TP63: variants seen among roughly 807,000 people sequenced by gnomAD.
The protein encoded by TP63 is tumor protein 63.
TP63 carries 17 observed loss-of-function variants against 82.8 expected under a neutral mutation model. The ratio of observed to expected loss-of-function variants is 0.21; its 90% CI spans 0.14 to 0.31. The LOEUF (loss-of-function observed/expected upper bound fraction) is 0.31, where lower values mean the gene tolerates loss of function less well. TP63 is among the 10% of genes least tolerant of loss of function. TP63 has a pLI of 1.00. For missense variants in TP63, 648 were observed against 895.3 expected, an observed-to-expected ratio of 0.72 and a Z score of 3.52; for synonymous variants, 330 against 321.7, an observed-to-expected ratio of 1.03 and a Z score of -0.28.
At chr3:189,763,999 T>C (rs1175721225) in intron 3 of TP63, among the ~76,000 whole-genome samples, 1 of 152,188 alleles carries the variant, frequency 6.6e-6, no homozygotes, top group East Asian at 1.9e-4. Context: ...TATAACCTGG[T>C]GCTCTTGCTG....
intron 3 of TP63, among the ~76,000 whole-genome samples, chr3:189,760,639 A>G (rs1381706115): frequency 6.6e-6 from 1 of 152,168 alleles, no homozygotes; most frequent in Non-Finnish European, 1.5e-5. Flanking sequence ...ACACAGTGCA[A>G]GCAGTCAGTG....
At chr3:189,757,618 A>T (rs1006308088) in intron 3 of TP63, among the ~76,000 whole-genome samples, 2 of 148,848 alleles carry the variant, frequency 1.3e-5, no homozygotes, top group African/African-American at 2.5e-5. Context: ...ACAAGAAAAA[A>T]ATCTACACAG....
intron 1 of TP63, among the ~76,000 whole-genome samples, chr3:189,669,004 C>G (rs1714650722): frequency 7.5e-6 from 1 of 132,690 alleles, no homozygotes; most frequent in African/African-American, 2.6e-5. Flanking sequence ...TTCTTTAAAG[C>G]TAAAGATGAA....
chr3:189,711,331 A>T (rs1257520180), intron 1 of TP63, among the ~76,000 whole-genome samples: 1 of 152,186 alleles, frequency 6.6e-6, no homozygotes, highest in Non-Finnish European at 1.5e-5. Flanking sequence ...GTTTCTGTGT[A>T]CAAGGTCCTG....
At chr3:189,614,063 A>G in the TP63 span, among the ~76,000 whole-genome samples, 1 of 152,044 alleles carries the variant, frequency 6.6e-6, no homozygotes, top group Non-Finnish European at 1.5e-5. Flanking sequence ...GACTCTTGGG[A>G]AGGCATGATT....
At chr3:189,800,836 G>C (rs757659607) in intron 3 of TP63, among the ~76,000 whole-genome samples, 13 of 152,274 alleles carry the variant, frequency 8.5e-5, no homozygotes, top group Non-Finnish European at 1.8e-4. Flanking sequence ...AATAGTAGAA[G>C]TAATTGCTCA....
chr3:189,738,507 C>A, intron 2 of TP63, 135 bp from the exon 3 acceptor site: 2 of 1,314,764 alleles, frequency 1.5e-6, no homozygotes, highest in Non-Finnish European at 2.1e-6. Context: ...AGGACTCAAA[C>A]CTAGAGTTTC....
At chr3:189,607,815 T>G in the TP63 span, among the ~76,000 whole-genome samples, 1 of 152,262 alleles carries the variant, frequency 6.6e-6, no homozygotes, top group African/African-American at 2.4e-5. Flanking sequence ...CACTTTAATG[T>G]ATTTATATAG....
intron 4 of TP63, among the ~76,000 whole-genome samples, chr3:189,810,249 A>AG (rs1160431632): frequency 5.3e-5 from 8 of 152,320 alleles, no homozygotes; most frequent in African/African-American, 1.9e-4. Context: ...GATTGATCTA[A>AG]GTAGTATCTT....
intron 4 of TP63, 84 bp from the exon 5 acceptor site, chr3:189,864,148 A>G (rs1428801109): frequency 1.3e-6 from 2 of 1,584,082 alleles, no homozygotes; most frequent in Non-Finnish European, 1.7e-6. Flanking sequence ...AAGTGGACAG[A>G]TTTTCATTGT....
At chr3:189,872,382 C>G (rs1718528320) in intron 9 of TP63, among the ~76,000 whole-genome samples, 2 of 147,692 alleles carry the variant, frequency 1.4e-5, no homozygotes, top group Non-Finnish European at 1.5e-5. Context: ...ATAACTCATG[C>G]CTGAATAAAG....
At chr3:189,773,331 C>T (rs1027100011) in intron 3 of TP63, among the ~76,000 whole-genome samples, 33 of 152,298 alleles carry the variant, frequency 2.2e-4, no homozygotes, top group African/African-American at 6.3e-4. Context: ...ATCTTATTTT[C>T]GGTCAAAGTC....
intron 3 of TP63, among the ~76,000 whole-genome samples, chr3:189,753,711 C>A (rs1276296017): frequency 6.6e-6 from 1 of 151,916 alleles, no homozygotes; most frequent in African/African-American, 2.4e-5. Context: ...TATTAGTTTT[C>A]TATTGGTTCC....
At chr3:189,736,497 C>T (rs1335899325) in intron 1 of TP63, among the ~76,000 whole-genome samples, 7 of 152,058 alleles carry the variant, frequency 4.6e-5, no homozygotes, top group Non-Finnish European at 7.4e-5. Flanking sequence ...AATAAAATTA[C>T]ATTGTTCATC....
intron 4 of TP63, among the ~76,000 whole-genome samples, chr3:189,852,938 T>C (rs75178883): frequency 6.0e-4 from 92 of 152,352 alleles, no homozygotes; most frequent in African/African-American, 2.1e-3. Flanking sequence ...AAGCCTACTG[T>C]TGTCTCCTGG....
chr3:189,805,503 C>G (rs1726783597), intron 3 of TP63, among the ~76,000 whole-genome samples: 1 of 152,238 alleles, frequency 6.6e-6, no homozygotes, highest in African/African-American at 2.4e-5. Context: ...ATTAACTTCA[C>G]TGGTGAAGTC....
intron 6 of TP63, 135 bp downstream of exon 6, chr3:189,866,932 T>C: frequency 2.6e-6 from 2 of 770,562 alleles, no homozygotes; most frequent in Non-Finnish European, 4.4e-6. Context: ...TATATAATAT[T>C]TTTGTATTTT....
intron 4 of TP63, among the ~76,000 whole-genome samples, chr3:189,863,871 A>G (rs1051635541): frequency 6.6e-6 from 1 of 152,180 alleles, no homozygotes; most frequent in Non-Finnish European, 1.5e-5. Context: ...AGTACATGCC[A>G]ATACTCTTCT....
At chr3:189,671,716 A>G (rs1714907937) in intron 1 of TP63, among the ~76,000 whole-genome samples, 2 of 152,288 alleles carry the variant, frequency 1.3e-5, no homozygotes, top group South Asian at 4.1e-4. Flanking sequence ...AATAAAAAAG[A>G]ATGAAATATG....
Sources: gnomAD v4.1 joint callset for allele counts (sites outside exome capture counted in the v4.1 genomes callset) on GRCh38, gnomAD v4.1.1 for gene constraint, MANE v1.5 for transcripts, NCBI Gene and HGNC (gene_info 2026-07-23, HGNC 2026-07-21) for gene names.